The following STX18 variants were observed in gnomAD, a reference collection of about 807,000 sequenced individuals.
The protein encoded by STX18 is syntaxin 18.
A neutral mutation model predicts 50.1 loss-of-function variants in STX18; 40 were observed. The ratio of observed to expected loss-of-function variants is 0.80; its 90% CI spans 0.62 to 1.04. The LOEUF (loss-of-function observed/expected upper bound fraction) is 1.04. Ranked by LOEUF, STX18 falls within the 50% of genes least tolerant of loss-of-function variation. The pLI, the probability that STX18 is intolerant of heterozygous loss-of-function variation, is 0.00. For missense variants in STX18, 410 were observed against 415.8 expected (o/e 0.99, Z 0.12); for synonymous variants, 158 against 151.8 (o/e 1.04, Z -0.30).
intron 1 of STX18, among the ~76,000 whole-genome samples, chr4:4,491,838 TA>T (rs1728956886): frequency 6.6e-6 from 1 of 152,114 alleles, no homozygotes; most frequent in Non-Finnish European, 1.5e-5. Flanking sequence ...GAACATATTT[TA>T]AAGTTTTTAT....
Position 4,442,388 on chromosome 4 carries a change from CCGAGGAGGG to C in STX18, c.498-3888_498-3880del, listed in dbSNP as rs1726161365. Among the ~76,000 whole-genome samples, 11 of 152,112 alleles carry C rather than the reference CCGAGGAGGG, an allele frequency of 7.2e-5. No homozygotes were observed. The South Asian group carries it at 2.3e-3, about 32-fold the overall frequency. On this transcript the variant is annotated intron_variant, in intron 5 of 10. Transcript: ENST00000306200. Reference sequence around the variant, plus strand: ...CCTGTAATCCCAGCACTTTGGGAGGCCGAGGAGGGCGAATCACTTGAGGTCTAAGCCCAG... The same window carrying C: ...CCTGTAATCCCAGCACTTTGGGAGGCCGAATCACTTGAGGTCTAAGCCCAG...
At position 4,523,499 on chromosome 4, in the gene STX18, C is replaced by T. The variant is rs866054991; in HGVS notation, c.168+18298G>A. ...TGTCCCTTGGGTGTTCAGCAGGCAC[C>T]TCAAGTAACTACAAACCTGAACTCA... On this transcript the variant is annotated intron_variant, in intron 1 of 10. Transcript: ENST00000306200. Among the ~76,000 whole-genome samples the T allele has an allele frequency of 7.2e-5, 11 of 152,258 alleles. No individual in the cohort carries two copies. In the Middle Eastern group the frequency reaches 0.01, roughly 141 times the overall value.
chr4:4,524,769 C>T (rs1730673697), intron 1 of STX18, among the ~76,000 whole-genome samples: 1 of 152,200 alleles, frequency 6.6e-6, no homozygotes, highest in Non-Finnish European at 1.5e-5. Context: ...CAATAAATTC[C>T]TTTGATCACT....
chr4:4,469,699 T>A (rs1246632823), intron 2 of STX18, among the ~76,000 whole-genome samples: 1 of 152,146 alleles, frequency 6.6e-6, no homozygotes, highest in Non-Finnish European at 1.5e-5. Flanking sequence ...CTCGCACCAC[T>A]TCTCAGGTAC....
At chr4:4,480,884 C>A (rs1403891204) in intron 1 of STX18, among the ~76,000 whole-genome samples, 1 of 152,176 alleles carries the variant, frequency 6.6e-6, no homozygotes, top group East Asian at 1.9e-4. Context: ...AAAGGTTCAC[C>A]ATTCTGTGCA....
intron 1 of STX18, among the ~76,000 whole-genome samples, chr4:4,498,078 G>A (rs760337744): frequency 6.6e-6 from 1 of 152,042 alleles, no homozygotes; most frequent in East Asian, 1.9e-4. Context: ...CTTTAATAAC[G>A]GTATTAATTA....
At chr4:4,520,166 T>G (rs1215664450) in intron 1 of STX18, among the ~76,000 whole-genome samples, 1 of 152,224 alleles carries the variant, frequency 6.6e-6, no homozygotes, top group Non-Finnish European at 1.5e-5. Context: ...TTATTGCTTT[T>G]CAGACTCTTA....
intron 1 of STX18, among the ~76,000 whole-genome samples, chr4:4,521,829 TGA>T (rs1416851645): frequency 1.3e-5 from 2 of 152,210 alleles, no homozygotes; most frequent in Admixed American, 1.3e-4. Flanking sequence ...CAATGCCTCA[TGA>T]GAGTATCAAC....
intron 1 of STX18, chr4:4,481,469 ATTT>A (rs139171228): frequency 6.6e-6 from 1 of 151,642 alleles, no homozygotes; most frequent in Non-Finnish European, 1.5e-5. Context: ...CAAAATCATT[ATTT>A]TTTTTTCATT....
intron 2 of STX18, among the ~76,000 whole-genome samples, chr4:4,470,059 C>T (rs1180759445): frequency 2.0e-5 from 3 of 152,170 alleles, no homozygotes; most frequent in Non-Finnish European, 4.4e-5. Context: ...TCTTTGCCAG[C>T]CCACGAGAAT....
intron 3 of STX18, among the ~76,000 whole-genome samples, chr4:4,458,795 C>T (rs1289179467): frequency 6.6e-6 from 1 of 152,016 alleles, no homozygotes; most frequent in African/African-American, 2.4e-5. Context: ...AAACAAGGCC[C>T]AGGGAGATTA....
At chr4:4,447,648 A>G (rs1726498738) in intron 5 of STX18, among the ~76,000 whole-genome samples, 1 of 134,040 alleles carries the variant, frequency 7.5e-6, no homozygotes, top group Non-Finnish European at 1.6e-5. Context: ...GGCTCTGACT[A>G]TCTTTCTTGT....
chr4:4,457,078 G>A (rs1727117719), intron 5 of STX18, 113 bp downstream of exon 5: 1 of 977,836 alleles, frequency 1.0e-6, no homozygotes, highest in Admixed American at 2.3e-5. Context: ...ATGGCATTTT[G>A]CGAAGAAGTT....
At position 4,422,522 on chromosome 4, in the gene STX18, T is replaced by C. The variant is rs1273971623; in HGVS notation, c.831+996A>G. ...AGGATGAGGTTGCAGTGAGCCAAGATAGCAACATTGCACTCCAGCCTGGGC... is the reference window on the plus strand; with the variant it reads ...AGGATGAGGTTGCAGTGAGCCAAGACAGCAACATTGCACTCCAGCCTGGGC... On this transcript the variant is annotated intron_variant, in intron 9 of 10. Coordinates refer to ENST00000306200, the MANE Select transcript of STX18 (RefSeq NM_016930.4). Among the ~76,000 whole-genome samples, 6 of 138,690 alleles carry C rather than the reference T, an allele frequency of 4.3e-5. No homozygotes were observed. The East Asian group carries it at 8.4e-4, about 19-fold the overall frequency. 91.0% of individuals were successfully genotyped at this position (138,690 alleles called of 152,430 possible).
Position 4,495,553 on chromosome 4 carries a change from TTTTTC to T in STX18, c.169-23852_169-23848del, listed in dbSNP as rs1424876191. Reference sequence around the variant, plus strand: ...ACAGGCACGCGTGTCTGGCTAATTTTTTTTCTTTTCTTTTTTTTTTTTTTTTTTTG... The same window carrying T: ...ACAGGCACGCGTGTCTGGCTAATTTTTTTTCTTTTTTTTTTTTTTTTTTTG... On this transcript the variant is annotated intron_variant, in intron 1 of 10. Coordinates refer to ENST00000306200, the MANE Select transcript of STX18 (RefSeq NM_016930.4). 5.6e-3 allele frequency among the ~76,000 whole-genome samples: 808 copies of T among 144,156 alleles called. 1 individual carries two copies. The highest frequency in any genetic ancestry group is 8.8e-3 in the Non-Finnish European group (579 of 65,828). The allele number at this position is 144,156 out of a possible 152,430, so 94.6% of individuals were successfully genotyped here.
At chr4:4,473,291 C>CTTTT (rs565584459) in intron 1 of STX18, among the ~76,000 whole-genome samples, 2 of 134,682 alleles carry the variant, frequency 1.5e-5, no homozygotes, top group African/African-American at 2.8e-5. Context: ...GGAAATCTGA[C>CTTTT]TTTTTTTTTT....
chr4:4,480,481 C>T (rs996818742), intron 1 of STX18, among the ~76,000 whole-genome samples: 5 of 152,138 alleles, frequency 3.3e-5, no homozygotes, highest in Admixed American at 2.0e-4. Context: ...CCTGCTAACT[C>T]GAGGCCAGGT....
At chr4:4,432,400 G>C (rs1237491519) in intron 7 of STX18, among the ~76,000 whole-genome samples, 1 of 152,256 alleles carries the variant, frequency 6.6e-6, no homozygotes, top group African/African-American at 2.4e-5. Context: ...CCCTGCTCAT[G>C]GCACACGGGC....
intron 1 of STX18, among the ~76,000 whole-genome samples, chr4:4,501,196 T>C (rs1188188741): frequency 6.6e-6 from 1 of 152,256 alleles, no homozygotes; most frequent in Non-Finnish European, 1.5e-5. Flanking sequence ...TCACTGAACC[T>C]GTGTCTGATT....
Sources: gnomAD v4.1 joint callset for allele counts (sites outside exome capture counted in the v4.1 genomes callset) on GRCh38, gnomAD v4.1.1 for gene constraint, MANE v1.5 for transcripts, NCBI Gene and HGNC (gene_info 2026-07-23, HGNC 2026-07-21) for gene names.